Variants in IGIP observed in about 807,000 individuals in gnomAD.
The protein encoded by IGIP is IgA inducing protein, also known as IgA-inducing protein homolog.
In IGIP, 1 loss-of-function variant was observed where a neutral mutation model predicts 3.2. The observed-to-expected ratio is 0.32, with a 90% CI of 0.11 to 1.50. The LOEUF (loss-of-function observed/expected upper bound fraction) is 1.50, where lower values mean the gene tolerates loss of function less well. Ranked by LOEUF, IGIP falls within the 40% of genes most tolerant of loss-of-function variation. The probability of loss-of-function intolerance (pLI) is 0.39; values close to 1 mark genes in which losing one functional copy is unlikely to be tolerated. For missense variants in IGIP, 64 were observed against 69.0 expected, an observed-to-expected ratio of 0.93 and a Z score of 0.26; for synonymous variants, 20 against 22.7, an observed-to-expected ratio of 0.88 and a Z score of 0.34.
At position 140,128,504 on chromosome 5, in the gene IGIP, C is replaced by T. The variant is rs150564736; in HGVS notation, c.28C>T (p.Arg10Cys). The T allele has an allele frequency of 2.3e-5, 36 of 1,592,170 alleles. No individual in the cohort carries two copies. In the African/African-American group the frequency reaches 3.3e-4, roughly 14 times the overall value. ...GTGCAGTTATTATCACATGAAGAAA[C>T]GCAGTGTGTCGGGCTGTAATATTAC... The part of the protein sequence containing the change: MCSYYHMKK[R>C]SVSGCNITIF... The change falls in exon 1 of 1, where the codon CGC (arginine) becomes TGC (cysteine). Residue 10 changes from arginine to cysteine, a missense_variant. Coordinates refer to ENST00000333305, the MANE Select transcript of IGIP (RefSeq NM_001007189.2).
chr5:140,125,989 A>T lies in IGIP; in HGVS notation c.-2488A>T, dbSNP rs1472928693. 2 of 167,018 alleles carry T rather than the reference A, an allele frequency of 1.2e-5. No individual in the cohort carries two copies. The highest frequency in any genetic ancestry group is 2.4e-5 in the African/African-American group (1 of 41,458). 10.3% of individuals were successfully genotyped at this position (167,018 alleles called of 1,614,324 possible). ...AAATGTCTTCTTCAAATTAAAAAAA[A>T]TTGAGAAGCAGCACTTTAAGTCTAA... On this transcript the variant is annotated 5_prime_UTR_variant, in exon 1 of 1. Transcript: ENST00000333305.
Position 140,128,496 on chromosome 5 carries a change from T to A in IGIP, c.20T>A (p.Met7Lys). The A allele has an allele frequency of 6.3e-7, 1 of 1,592,544 alleles. No homozygotes were observed. The highest frequency in any genetic ancestry group is 2.3e-5 in the East Asian group (1 of 43,812). The change falls in exon 1 of 1, where the codon ATG (methionine) becomes AAG (lysine). Residue 7 changes from methionine (M) to lysine (K), a missense_variant. Physicochemically the swap from Met to Lys is moderately conservative, Grantham distance 95 (BLOSUM62 -1). Transcript: ENST00000333305. ...TTAAATATGTGCAGTTATTATCACA[T>A]GAAGAAACGCAGTGTGTCGGGCTGT... is the stretch of plus-strand genomic sequence containing the variant. MCSYYHMKKRSVSGCNI... is the reference protein window; with the variant it reads MCSYYHKKKRSVSGCNI...
rs1047080737 is a variant in IGIP at position 140,125,951 on chromosome 5, T to C, written c.-2526T>C. The C allele has an allele frequency of 2.4e-5, 4 of 166,616 alleles. No homozygotes were observed. Among genetic ancestry groups the C allele is most frequent in the Non-Finnish European group, 4.4e-5 (3 of 68,084 alleles). 10.3% of individuals were successfully genotyped at this position (166,616 alleles called of 1,614,324 possible). A position where few individuals can be genotyped will look rare whatever the true frequency, so the allele number is the denominator to read the frequency against. On this transcript the variant is annotated 5_prime_UTR_variant, in exon 1 of 1. Transcript: ENST00000333305. ...GGTGGGTGGGGGAAAGATTTTTGAG[T>C]CTACAACTGACAAAATGTCTTCTTC...
rs539007885 is a variant in IGIP at position 140,128,451 on chromosome 5, G to A, written c.-26G>A. On this transcript the variant is annotated 5_prime_UTR_variant, in exon 1 of 1. Transcript: ENST00000333305. ...GAAGTAAGCAAATGCAATTTAAAAAGTAAATTTGAGCATTCTGTATTAAAT... is the reference window on the plus strand; with the variant it reads ...GAAGTAAGCAAATGCAATTTAAAAAATAAATTTGAGCATTCTGTATTAAAT... 1.3e-6 allele frequency: 2 copies of A among 1,533,482 alleles called. No individual in the cohort carries two copies. The highest frequency in any genetic ancestry group is 1.3e-5 in the South Asian group (1 of 78,468). The allele number at this position is 1,533,482 out of a possible 1,614,324, so 95.0% of individuals were successfully genotyped here. A position where few individuals can be genotyped will look rare whatever the true frequency, so the allele number is the denominator to read the frequency against.
At position 140,128,124 on chromosome 5, in the gene IGIP, T is replaced by C; in HGVS notation, c.-353T>C. The C allele has an allele frequency of 5.3e-6, 1 of 189,362 alleles. No individual in the cohort carries two copies. The highest frequency in any genetic ancestry group is 1.2e-5 in the Non-Finnish European group (1 of 83,410). 11.7% of individuals were successfully genotyped at this position (189,362 alleles called of 1,614,324 possible). A position where few individuals can be genotyped will look rare whatever the true frequency, so the allele number is the denominator to read the frequency against. ...TGCTGTGAATCATAATCTTGAAATT[T>C]CTAATCAAGTTTGTAAAATTTTTAT... is the stretch of plus-strand genomic sequence containing the variant. On this transcript the variant is annotated 5_prime_UTR_variant, in exon 1 of 1. Coordinates refer to ENST00000333305, the MANE Select transcript of IGIP (RefSeq NM_001007189.2).
At position 140,128,608 on chromosome 5, in the gene IGIP, C is replaced by T. The variant is rs1264707538; in HGVS notation, c.132C>T (p.Ser44=). 6.2e-7 allele frequency: 1 copy of T among 1,612,624 alleles called. No individual in the cohort carries two copies. Among genetic ancestry groups the T allele is most frequent in the East Asian group, 2.2e-5 (1 of 44,820 alleles). Residue 44 remains serine (S), a synonymous_variant, in exon 1 of 1, where the codon AGC becomes AGT. Coordinates refer to ENST00000333305, the MANE Select transcript of IGIP (RefSeq NM_001007189.2). ...ACCAAGCAAACGTGTTGTGCATCAGCCGGCTTGAGTTTGTTCAATATCAAA... is the reference window on the plus strand; with the variant it reads ...ACCAAGCAAACGTGTTGTGCATCAGTCGGCTTGAGTTTGTTCAATATCAAA... The part of the protein sequence containing the change: ...CGNQANVLCI[S]RLEFVQYQS
chr5:140,126,272 G>A lies in IGIP; in HGVS notation c.-2205G>A, dbSNP rs1763212802. 1.2e-5 allele frequency: 2 copies of A among 167,036 alleles called. No homozygotes were observed. The highest frequency in any genetic ancestry group is 2.9e-5 in the Non-Finnish European group (2 of 68,120). 10.3% of individuals were successfully genotyped at this position (167,036 alleles called of 1,614,324 possible). A position where few individuals can be genotyped will look rare whatever the true frequency, so the allele number is the denominator to read the frequency against. ...CATTCAGACCTATATAGAAGTCATA[G>A]CATTCTGTATAGGACCAAAAAGGAA... On this transcript the variant is annotated 5_prime_UTR_variant, in exon 1 of 1. Transcript: ENST00000333305.
Position 140,126,135 on chromosome 5 carries a change from T to C in IGIP, c.-2342T>C, listed in dbSNP as rs1031098564. 9 of 167,132 alleles carry C rather than the reference T, an allele frequency of 5.4e-5. No individual in the cohort carries two copies. The highest frequency in any genetic ancestry group is 1.2e-4 in the Non-Finnish European group (8 of 68,132). 10.4% of individuals were successfully genotyped at this position (167,132 alleles called of 1,614,324 possible). On this transcript the variant is annotated 5_prime_UTR_variant, in exon 1 of 1. Coordinates refer to ENST00000333305, the MANE Select transcript of IGIP (RefSeq NM_001007189.2). ...CCTTTCTTAGAAAGGAGATGTTTTC[T>C]ACTTTGCAACATGTGATTACAAAAA...
rs937246440 is a variant in IGIP, at chr5:140,127,816, CTG to C, written c.-654_-653del. On this transcript the variant is annotated 5_prime_UTR_variant, in exon 1 of 1. An upstream open reading frame in the 5' UTR loses its in-frame stop. Transcript: ENST00000333305. ...TTATTTTAAATGTGCTTCTTATTTA[CTG>C]TGTGTGGTCCCTGTTGCTGACAGTA... The C allele has an allele frequency of 3.0e-5, 5 of 167,010 alleles. No homozygotes were observed. The highest frequency in any genetic ancestry group is 2.0e-4 in the Admixed American group (3 of 15,276). The allele number at this position is 167,010 out of a possible 1,614,324, so 10.3% of individuals were successfully genotyped here.
In IGIP at chr5:140,126,205, G is replaced by T. The variant is rs1050200815; in HGVS notation, c.-2272G>T. 1 of 167,000 alleles carries T rather than the reference G, an allele frequency of 6.0e-6. No individual in the cohort carries two copies. The highest frequency in any genetic ancestry group is 2.4e-5 in the African/African-American group (1 of 41,414). The allele number at this position is 167,000 out of a possible 1,614,324, so 10.3% of individuals were successfully genotyped here. ...TAACCATGTATTGAACTACTGAAAA[G>T]TATATATTTTTAGATATACAGAAGG... is the stretch of plus-strand genomic sequence containing the variant. On this transcript the variant is annotated 5_prime_UTR_variant, in exon 1 of 1. Coordinates refer to ENST00000333305, the MANE Select transcript of IGIP (RefSeq NM_001007189.2).
In IGIP at chr5:140,128,512, G is replaced by C; in HGVS notation, c.36G>C (p.Val12=). 2 of 1,605,756 alleles carry C rather than the reference G, an allele frequency of 1.2e-6. No individual in the cohort carries two copies. The highest frequency in any genetic ancestry group is 1.7e-6 in the Non-Finnish European group (2 of 1,177,174). Residue 12 remains valine, a synonymous_variant, in exon 1 of 1, where the codon GTG becomes GTC. Coordinates refer to ENST00000333305, the MANE Select transcript of IGIP (RefSeq NM_001007189.2). The part of the protein sequence containing the change: ...CSYYHMKKRS[V]SGCNITIFAV... ...ATTATCACATGAAGAAACGCAGTGT[G>C]TCGGGCTGTAATATTACCATATTTG...
rs376002346 is a variant in IGIP, at chr5:140,128,871, A to ATT, written c.*246_*247dup. 355 of 346,110 alleles carry ATT rather than the reference A, an allele frequency of 1.0e-3. No homozygotes were observed. Among genetic ancestry groups the ATT allele is most frequent in the East Asian group, 2.3e-3 (37 of 16,436 alleles). The allele number at this position is 346,110 out of a possible 1,614,324, so 21.4% of individuals were successfully genotyped here. Reference sequence around the variant, plus strand: ...GGAAGGGGTCTGGTTGCGATCTTGGATTTTTTTTTTTTTTGATAGGTGGAA... The same window carrying ATT: ...GGAAGGGGTCTGGTTGCGATCTTGGATTTTTTTTTTTTTTTTGATAGGTGGAA... On this transcript the variant is annotated 3_prime_UTR_variant, in exon 1 of 1. Coordinates refer to ENST00000333305, the MANE Select transcript of IGIP (RefSeq NM_001007189.2).
rs1247613557 is a variant in IGIP at position 140,126,487 on chromosome 5, C to G, written c.-1990C>G. ...ACACATAAGAATCAAAAAAACAAAGCTCACTAAATAAATCAGTCTGGTTTG... is the reference window on the plus strand; with the variant it reads ...ACACATAAGAATCAAAAAAACAAAGGTCACTAAATAAATCAGTCTGGTTTG... On this transcript the variant is annotated 5_prime_UTR_variant, in exon 1 of 1. Coordinates refer to ENST00000333305, the MANE Select transcript of IGIP (RefSeq NM_001007189.2). The G allele has an allele frequency of 6.0e-6, 1 of 167,138 alleles. No individual in the cohort carries two copies. The highest frequency in any genetic ancestry group is 1.9e-4 in the East Asian group (1 of 5,180). The allele number at this position is 167,138 out of a possible 1,614,324, so 10.4% of individuals were successfully genotyped here.
Position 140,128,864 on chromosome 5 carries a change from A to G in IGIP, c.*226A>G. 2.2e-6 allele frequency: 1 copy of G among 463,920 alleles called. No individual in the cohort carries two copies. The allele number at this position is 463,920 out of a possible 1,614,324, so 28.7% of individuals were successfully genotyped here. A position where few individuals can be genotyped will look rare whatever the true frequency, so the allele number is the denominator to read the frequency against. On this transcript the variant is annotated 3_prime_UTR_variant, in exon 1 of 1. Transcript: ENST00000333305. Reference sequence around the variant, plus strand: ...TTTTGGGGGAAGGGGTCTGGTTGCGATCTTGGATTTTTTTTTTTTTTGATA... The same window carrying G: ...TTTTGGGGGAAGGGGTCTGGTTGCGGTCTTGGATTTTTTTTTTTTTTGATA...
chr5:140,126,405 G>A lies in IGIP; in HGVS notation c.-2072G>A, dbSNP rs752578122. On this transcript the variant is annotated 5_prime_UTR_variant, in exon 1 of 1. Coordinates refer to ENST00000333305, the MANE Select transcript of IGIP (RefSeq NM_001007189.2). ...CAGAAGTTTGCTGAAAACTTTTGTCGTTTGAATTTTCTCTGTCAGTGTATT... is the reference window on the plus strand; with the variant it reads ...CAGAAGTTTGCTGAAAACTTTTGTCATTTGAATTTTCTCTGTCAGTGTATT... 8 of 166,994 alleles carry A rather than the reference G, an allele frequency of 4.8e-5. No individual in the cohort carries two copies. The highest frequency in any genetic ancestry group is 4.1e-4 in the South Asian group (2 of 4,832). 10.3% of individuals were successfully genotyped at this position (166,994 alleles called of 1,614,324 possible).
chr5:140,128,556 T>C lies in IGIP; in HGVS notation c.80T>C (p.Leu27Pro). The C allele has an allele frequency of 1.9e-6, 3 of 1,610,142 alleles. No individual in the cohort carries two copies. Among genetic ancestry groups the C allele is most frequent in the Non-Finnish European group, 2.5e-6 (3 of 1,178,484 alleles). The change falls in exon 1 of 1, where the codon CTC (leucine) becomes CCC (proline). Residue 27 changes from leucine (L) to proline (P), a missense_variant. Coordinates refer to ENST00000333305, the MANE Select transcript of IGIP (RefSeq NM_001007189.2). ...ATATTTGCTGTCATGTTCTCCCATC[T>C]CAGTGCTGGGAAATCACCATGTGGA... ...ITIFAVMFSH[L>P]SAGKSPCGNQ...
chr5:140,128,278 A>G lies in IGIP; in HGVS notation c.-199A>G. On this transcript the variant is annotated 5_prime_UTR_variant, in exon 1 of 1. Transcript: ENST00000333305. ...GACTTTGGTTAAATGGACCAGATGT[A>G]TATTAGTTAAAATTTAGGACTAAGT... The G allele has an allele frequency of 4.1e-6, 2 of 483,934 alleles. No individual in the cohort carries two copies. Among genetic ancestry groups the G allele is most frequent in the Non-Finnish European group, 3.7e-6 (1 of 270,060 alleles). 30.0% of individuals were successfully genotyped at this position (483,934 alleles called of 1,614,324 possible). A position where few individuals can be genotyped will look rare whatever the true frequency, so the allele number is the denominator to read the frequency against.
In IGIP at chr5:140,128,335, C is replaced by T. The variant is rs1193665570; in HGVS notation, c.-142C>T. 1 of 564,172 alleles carries T rather than the reference C, an allele frequency of 1.8e-6. No individual in the cohort carries two copies. Among genetic ancestry groups the T allele is most frequent in the Non-Finnish European group, 3.1e-6 (1 of 322,782 alleles). The allele number at this position is 564,172 out of a possible 1,614,324, so 34.9% of individuals were successfully genotyped here. On this transcript the variant is annotated 5_prime_UTR_variant, in exon 1 of 1. Transcript: ENST00000333305. Reference sequence around the variant, plus strand: ...TATTCTTTGAGTTTACAAGTTAATCCTTATTGGAGATGTGCCAATATACAG... The same window carrying T: ...TATTCTTTGAGTTTACAAGTTAATCTTTATTGGAGATGTGCCAATATACAG...
Position 140,128,888 on chromosome 5 carries a change from T to C in IGIP, c.*250T>C, listed in dbSNP as rs1234330025. On this transcript the variant is annotated 3_prime_UTR_variant, in exon 1 of 1. Coordinates refer to ENST00000333305, the MANE Select transcript of IGIP (RefSeq NM_001007189.2). ...GATCTTGGATTTTTTTTTTTTTTGA[T>C]AGGTGGAAACTTTTTAGGACTCAGT... The C allele has an allele frequency of 1.7e-5, 7 of 404,660 alleles. No homozygotes were observed. Among genetic ancestry groups the C allele is most frequent in the Non-Finnish European group, 2.6e-5 (6 of 226,746 alleles). The allele number at this position is 404,660 out of a possible 1,614,324, so 25.1% of individuals were successfully genotyped here. A position where few individuals can be genotyped will look rare whatever the true frequency, so the allele number is the denominator to read the frequency against.
Sources: allele counts gnomAD v4.1 joint callset, GRCh38; gene constraint gnomAD v4.1.1; transcripts MANE v1.5; gene names NCBI Gene and HGNC (gene_info 2026-07-23, HGNC 2026-07-21).